The following C1orf21 variants were observed in gnomAD, a reference collection of about 807,000 sequenced individuals.
C1orf21 encodes the protein uncharacterized protein C1orf21.
A neutral mutation model predicts 18.7 loss-of-function variants in C1orf21; 3 were observed. That is an observed-to-expected ratio of 0.16 (90% CI 0.07 to 0.42). The LOEUF is 0.42. Among genes scored for constraint, C1orf21 ranks in the 10% least tolerant of loss-of-function variants. The pLI, the probability that C1orf21 is intolerant of heterozygous loss-of-function variation, is 0.99. For missense variants in C1orf21, 104 were observed against 143.6 expected, an observed-to-expected ratio of 0.72 and a Z score of 1.41; for synonymous variants, 41 against 46.4, an observed-to-expected ratio of 0.88 and a Z score of 0.47.
intron 5 of C1orf21, among the ~76,000 whole-genome samples, chr1:184,608,657 G>C (rs1210289420): frequency 6.6e-6 from 1 of 152,148 alleles, no homozygotes; most frequent in Non-Finnish European, 1.5e-5. Context: ...AGTTCTGATG[G>C]CCCCAGCCTG....
intron 5 of C1orf21, among the ~76,000 whole-genome samples, chr1:184,604,542 T>G (rs886968160): frequency 2.0e-5 from 3 of 152,230 alleles, no homozygotes; most frequent in African/African-American, 7.2e-5. Context: ...TCCTCTCCCT[T>G]CATCACCTTG....
At chr1:184,515,193 T>A (rs995879411) in intron 3 of C1orf21, among the ~76,000 whole-genome samples, 6 of 152,216 alleles carry the variant, frequency 3.9e-5, no homozygotes, top group Admixed American at 2.6e-4. Context: ...CAGGTGGGAA[T>A]GGATTAGAAG....
intron 1 of C1orf21, among the ~76,000 whole-genome samples, chr1:184,445,627 A>C (rs1218083843): frequency 6.6e-6 from 1 of 152,120 alleles, no homozygotes; most frequent in African/African-American, 2.4e-5. Context: ...TATTGAAAAA[A>C]AAATTTGTTC....
intron 1 of C1orf21, among the ~76,000 whole-genome samples, chr1:184,452,542 G>A (rs1657137604): frequency 6.6e-6 from 1 of 152,160 alleles, no homozygotes; most frequent in South Asian, 2.1e-4. Context: ...GTAACATGAG[G>A]CAAAGTGGCA....
chr1:184,470,672 A>C (rs1485496662), intron 1 of C1orf21, among the ~76,000 whole-genome samples: 2 of 152,188 alleles, frequency 1.3e-5, no homozygotes, highest in Non-Finnish European at 2.9e-5. Context: ...TGAGGTTAGG[A>C]GTTCGAGACC....
At chr1:184,450,025 T>A (rs1012102543) in intron 1 of C1orf21, among the ~76,000 whole-genome samples, 2 of 152,070 alleles carry the variant, frequency 1.3e-5, no homozygotes, top group Non-Finnish European at 2.9e-5. Flanking sequence ...GAGGGAGGTA[T>A]TTTTATGGTA....
At chr1:184,598,310 C>T in intron 4 of C1orf21, 91 bp from the exon 5 acceptor site, 2 of 1,175,866 alleles carry the variant, frequency 1.7e-6, no homozygotes, top group Non-Finnish European at 2.4e-6. Flanking sequence ...AAATGTCTTC[C>T]CCAAAGTTTG....
chr1:184,541,176 T>G (rs975210583), intron 3 of C1orf21, among the ~76,000 whole-genome samples: 1 of 152,168 alleles, frequency 6.6e-6, no homozygotes, highest in Non-Finnish European at 1.5e-5. Context: ...TGGAGAAGGG[T>G]GGGATCCCAG....
chr1:184,598,502 T>C, intron 5 of C1orf21, 41 bp downstream of exon 5: 1 of 1,546,388 alleles, frequency 6.5e-7, no homozygotes, highest in East Asian at 2.3e-5. Flanking sequence ...TCAAGGGAAG[T>C]ATAGTAATGG....
At chr1:184,618,920 T>A (rs1166257139) in intron 5 of C1orf21, among the ~76,000 whole-genome samples, 1 of 152,208 alleles carries the variant, frequency 6.6e-6, no homozygotes, top group Non-Finnish European at 1.5e-5. Flanking sequence ...TGTTCACAAA[T>A]AACCATTGTA....
chr1:184,611,361 G>A (rs1282443478), intron 5 of C1orf21, among the ~76,000 whole-genome samples: 1 of 152,240 alleles, frequency 6.6e-6, no homozygotes, highest in African/African-American at 2.4e-5. Context: ...CCCTGAGAAA[G>A]GGATGGAAGG....
At chr1:184,501,656 T>C (rs1488940459) in intron 2 of C1orf21, among the ~76,000 whole-genome samples, 2 of 152,188 alleles carry the variant, frequency 1.3e-5, no homozygotes, top group Non-Finnish European at 2.9e-5. Context: ...TGGCACACAG[T>C]AGGTGCTTTA....
intron 1 of C1orf21, among the ~76,000 whole-genome samples, chr1:184,429,162 GAGGGC>G (rs541226653): frequency 4.6e-4 from 70 of 152,308 alleles, no homozygotes; most frequent in African/African-American, 1.7e-3. Context: ...GGTCCTAGAG[GAGGGC>G]ATAGTCCATT....
At chr1:184,462,059 T>C (rs1228414721) in intron 1 of C1orf21, among the ~76,000 whole-genome samples, 1 of 152,182 alleles carries the variant, frequency 6.6e-6, no homozygotes, top group Non-Finnish European at 1.5e-5. Flanking sequence ...ACATGGGTCT[T>C]TCTTTTATTT....
At chr1:184,402,316 G>A (rs1656169804) in intron 1 of C1orf21, among the ~76,000 whole-genome samples, 2 of 152,082 alleles carry the variant, frequency 1.3e-5, no homozygotes, top group Admixed American at 6.6e-5. Context: ...GTATGGTATG[G>A]AGAATGGATC....
chr1:184,537,983 G>A (rs1658586346), intron 3 of C1orf21, among the ~76,000 whole-genome samples: 2 of 152,180 alleles, frequency 1.3e-5, no homozygotes, highest in South Asian at 4.1e-4. Context: ...ATACCCAGAA[G>A]TGGAATTGCT....
chr1:184,410,598 G>T (rs1656317002), intron 1 of C1orf21, among the ~76,000 whole-genome samples: 1 of 82,514 alleles, frequency 1.2e-5, no homozygotes, highest in Non-Finnish European at 2.1e-5. Flanking sequence ...CATAGTGAAA[G>T]ATTAATTTGC....
At chr1:184,398,475 T>G (rs1172182818) in intron 1 of C1orf21, among the ~76,000 whole-genome samples, 1 of 152,208 alleles carries the variant, frequency 6.6e-6, no homozygotes, top group Non-Finnish European at 1.5e-5. Flanking sequence ...TCCTTTCTTC[T>G]CATTTACTGG....
intron 5 of C1orf21, among the ~76,000 whole-genome samples, chr1:184,615,051 C>A (rs1248290122): frequency 6.6e-6 from 1 of 152,190 alleles, no homozygotes; most frequent in African/African-American, 2.4e-5. Context: ...CTTAAAGTCA[C>A]TCTTTGAGCT....
Sources: allele counts gnomAD v4.1 joint callset (sites outside exome capture counted in the v4.1 genomes callset), GRCh38; gene constraint gnomAD v4.1.1; transcripts MANE v1.5; gene names NCBI Gene and HGNC (gene_info 2026-07-23, HGNC 2026-07-21).